WNT3A: variants seen among roughly 807,000 people sequenced by gnomAD.
WNT3A encodes the protein protein Wnt-3a.
In WNT3A, 17 loss-of-function variants were observed where a neutral mutation model predicts 37.0. That is an observed-to-expected ratio of 0.46 (90% confidence interval 0.31 to 0.69). The LOEUF (loss-of-function observed/expected upper bound fraction) is 0.69. Ranked by LOEUF, WNT3A falls within the 30% of genes least tolerant of loss-of-function variation. The pLI is 0.05. For synonymous variants in WNT3A, 187 were observed against 211.0 expected (o/e 0.89, Z 0.99); for missense variants, 411 against 510.2 (o/e 0.81, Z 1.87).
intron 1 of WNT3A, among the ~76,000 whole-genome samples, chr1:228,010,319 G>A (rs900790251): frequency 6.6e-6 from 1 of 152,108 alleles, no homozygotes; most frequent in African/African-American, 2.4e-5. Flanking sequence ...CCCTAGAGGT[G>A]GGCCTGTGCC....
chr1:228,010,881 G>A (rs1471115935), intron 1 of WNT3A, among the ~76,000 whole-genome samples: 1 of 152,192 alleles, frequency 6.6e-6, no homozygotes, highest in African/African-American at 2.4e-5. Flanking sequence ...AACAGAAGAT[G>A]TAGGCCCTTT....
Position 228,031,967 on chromosome 1 carries a change from G to A in WNT3A, c.313+9059G>A, listed in dbSNP as rs1417475800. Among the ~76,000 whole-genome samples, 1 of 152,168 alleles carries A rather than the reference G, an allele frequency of 6.6e-6. No homozygotes were observed. Among genetic ancestry groups the A allele is most frequent in the Non-Finnish European group, 1.5e-5 (1 of 68,022 alleles). ...AGAAAGCAGGAAGCCTGTCCTGCTT[G>A]GAGCCATACCAGGTGATGGAGGAAG... On this transcript the variant is annotated intron_variant, in intron 2 of 3. Transcript: ENST00000284523. The surrounding 1 kb of genome is among the most constrained non-coding windows in gnomAD (Gnocchi z 4.8).
At position 228,059,488 on chromosome 1, in the gene WNT3A, G is replaced by A. The variant is rs1381489780; in HGVS notation, c.*23G>A. ...TAGGCACCGGCCGCGGCTCCCCCTG[G>A]ACGGGGCGGGCCCTGCCTGAGGGTG... On this transcript the variant is annotated 3_prime_UTR_variant, in exon 4 of 4. Coordinates refer to ENST00000284523, the MANE Select transcript of WNT3A (RefSeq NM_033131.4). The A allele has an allele frequency of 6.7e-7, 1 of 1,487,528 alleles. No individual in the cohort carries two copies. Among genetic ancestry groups the A allele is most frequent in the Non-Finnish European group, 8.9e-7 (1 of 1,126,118 alleles). The allele number at this position is 1,487,528 out of a possible 1,614,324, so 92.1% of individuals were successfully genotyped here.
intron 3 of WNT3A, among the ~76,000 whole-genome samples, chr1:228,055,384 G>A (rs2031664476): frequency 6.7e-6 from 1 of 149,724 alleles, no homozygotes; most frequent in African/African-American, 2.4e-5. Context: ...GATATGTAGA[G>A]ATAAATATAA....
intron 3 of WNT3A, 151 bp from the exon 4 acceptor site, chr1:228,058,835 G>T (rs2031732888): frequency 4.0e-6 from 3 of 759,338 alleles, no homozygotes; most frequent in African/African-American, 3.5e-5. Flanking sequence ...ACCATAGGAA[G>T]GGGGTGGCCC....
chr1:228,045,878 C>T (rs555367032), intron 2 of WNT3A, among the ~76,000 whole-genome samples: 1 of 152,334 alleles, frequency 6.6e-6, no homozygotes, highest in African/African-American at 2.4e-5. Context: ...TTCATTCTGG[C>T]CCCAGGAAAT....
Position 228,038,377 on chromosome 1 carries a change from G to A in WNT3A, c.314-12279G>A, listed in dbSNP as rs1045841216. Among the ~76,000 whole-genome samples, 4 of 152,348 alleles carry A rather than the reference G, an allele frequency of 2.6e-5. No homozygotes were observed. The highest frequency in any genetic ancestry group is 6.5e-5 in the Admixed American group (1 of 15,306). On this transcript the variant is annotated intron_variant, in intron 2 of 3. Transcript: ENST00000284523. The surrounding 1 kb of genome is among the most constrained non-coding windows in gnomAD (Gnocchi z 5.7). ...TCCCCTGTGTTCAGGCCTCAGTGGGGGAAAAGGGCCCACGCGTTGGCTGCT... is the reference window on the plus strand; with the variant it reads ...TCCCCTGTGTTCAGGCCTCAGTGGGAGAAAAGGGCCCACGCGTTGGCTGCT...
rs1047536852 is a variant in WNT3A at position 228,048,406 on chromosome 1, T to C, written c.314-2250T>C. Among the ~76,000 whole-genome samples the C allele has an allele frequency of 9.9e-4, 151 of 152,294 alleles. 4 individuals carry two copies. The highest frequency in any genetic ancestry group is 9.8e-3 in the Admixed American group (150 of 15,294). The stretch of plus-strand genomic sequence containing the variant: ...CAGGGGCTCCAAAGCCCAGGTGTCT[T>C]CTTGCTAGGTCTGTAAGATCCCTGC... On this transcript the variant is annotated intron_variant, in intron 2 of 3. Coordinates refer to ENST00000284523, the MANE Select transcript of WNT3A (RefSeq NM_033131.4).
intron 2 of WNT3A, among the ~76,000 whole-genome samples, chr1:228,025,760 A>T (rs1401617830): frequency 1.3e-5 from 2 of 151,792 alleles, no homozygotes. Context: ...TTGTCAATGG[A>T]ATCATTTTTC....
rs2102779407 is a variant in WNT3A at position 228,050,580 on chromosome 1, G to A, written c.314-76G>A. The stretch of plus-strand genomic sequence containing the variant: ...AGTTCCTTTATAACAATGCAAATGG[G>A]CTAAGACCCCTGACCTGCCCAAGGC... On this transcript the variant is annotated intron_variant, in intron 2 of 3. Transcript: ENST00000284523. The surrounding 1 kb of genome is among the most constrained non-coding windows in gnomAD (Gnocchi z 5.0). 1 of 1,499,350 alleles carries A rather than the reference G, an allele frequency of 6.7e-7. No homozygotes were observed. The allele number at this position is 1,499,350 out of a possible 1,614,324, so 92.9% of individuals were successfully genotyped here. A position where few individuals can be genotyped will look rare whatever the true frequency, so the allele number is the denominator to read the frequency against.
chr1:228,023,033 C>A, intron 2 of WNT3A, 125 bp downstream of exon 2: 1 of 1,427,056 alleles, frequency 7.0e-7, no homozygotes, highest in Non-Finnish European at 9.3e-7. Flanking sequence ...CGCTGGGGTC[C>A]TTCCCGCTTA....
intron 2 of WNT3A, among the ~76,000 whole-genome samples, chr1:228,046,764 TG>T (rs978760448): frequency 1.4e-5 from 2 of 148,146 alleles, no homozygotes; most frequent in Non-Finnish European, 3.0e-5. Context: ...TTGTGTGTGG[TG>T]GGGTGTGCAT....
At chr1:228,016,381 A>G (rs1571793548) in intron 1 of WNT3A, among the ~76,000 whole-genome samples, 1 of 152,202 alleles carries the variant, frequency 6.6e-6, no homozygotes, top group East Asian at 1.9e-4. Context: ...CCCTGTTCTA[A>G]ACCACAACTG....
chr1:228,048,620 A>G (rs1212409431), intron 2 of WNT3A, among the ~76,000 whole-genome samples: 1 of 152,114 alleles, frequency 6.6e-6, no homozygotes, highest in Non-Finnish European at 1.5e-5. Context: ...GCTGGAGTGC[A>G]GTGGTGTAAT....
rs187266332 is a variant in WNT3A, at chr1:228,057,342, C to A, written c.580-1644C>A. 1.2e-4 allele frequency among the ~76,000 whole-genome samples: 19 copies of A among 152,100 alleles called. No individual in the cohort carries two copies. In the East Asian group the frequency reaches 3.5e-3, roughly 28 times the overall value. ...CATGGCTAGAGGCCAATAAATAATGCCTAATGCTGAAAAATCAAGAGGTGT... is the reference window on the plus strand; with the variant it reads ...CATGGCTAGAGGCCAATAAATAATGACTAATGCTGAAAAATCAAGAGGTGT... On this transcript the variant is annotated intron_variant, in intron 3 of 3. Transcript: ENST00000284523.
Position 228,007,095 on chromosome 1 carries a change from G to T in WNT3A, c.-34G>T, listed in dbSNP as rs142002943. ...CCCCCGGCGCTCACGCTCTCGGGGC[G>T]GACTCCCGGCCCTCCGCGCCCTCTC... On this transcript the variant is annotated 5_prime_UTR_variant, in exon 1 of 4. Transcript: ENST00000284523. This position sits in a 1 kb window ranked among gnomAD's most constrained non-coding sequence, Gnocchi z 6.0. The T allele has an allele frequency of 6.6e-7, 1 of 1,513,050 alleles. No individual in the cohort carries two copies. Among genetic ancestry groups the T allele is most frequent in the Admixed American group, 2.0e-5 (1 of 49,134 alleles). 93.7% of individuals were successfully genotyped at this position (1,513,050 alleles called of 1,614,324 possible). A position where few individuals can be genotyped will look rare whatever the true frequency, so the allele number is the denominator to read the frequency against.
At position 228,007,760 on chromosome 1, in the gene WNT3A, C is replaced by A. The variant is rs1447618852; in HGVS notation, c.71+561C>A. On this transcript the variant is annotated intron_variant, in intron 1 of 3. Transcript: ENST00000284523. This position sits in a 1 kb window ranked among gnomAD's most constrained non-coding sequence, Gnocchi z 6.0. ...CGGCGGGGCGCACTGGGGGCCGGCC[C>A]TGGGCCCCGCGCGCCTCCCCGCCGC... is the stretch of plus-strand genomic sequence containing the variant. 6.6e-6 allele frequency among the ~76,000 whole-genome samples: 1 copy of A among 152,012 alleles called. No homozygotes were observed. The highest frequency in any genetic ancestry group is 1.5e-5 in the Non-Finnish European group (1 of 67,968).
chr1:228,050,484 A>G lies in WNT3A; in HGVS notation c.314-172A>G, dbSNP rs2031519008. ...CTTGCCAGAGGCAGTTGCTGGAGCC[A>G]TGCTTCTGTGTAGCCTGTAGATCCG... On this transcript the variant is annotated intron_variant, in intron 2 of 3. Coordinates refer to ENST00000284523, the MANE Select transcript of WNT3A (RefSeq NM_033131.4). This position sits in a 1 kb window ranked among gnomAD's most constrained non-coding sequence, Gnocchi z 5.0. Among the ~76,000 whole-genome samples, 1 of 152,222 alleles carries G rather than the reference A, an allele frequency of 6.6e-6. No individual in the cohort carries two copies. Among genetic ancestry groups the G allele is most frequent in the African/African-American group, 2.4e-5 (1 of 41,444 alleles).
At chr1:228,047,691 G>A (rs1453644183) in intron 2 of WNT3A, among the ~76,000 whole-genome samples, 1 of 152,196 alleles carries the variant, frequency 6.6e-6, no homozygotes, top group Non-Finnish European at 1.5e-5. Context: ...AGGCTGCACA[G>A]GAAGTGTGGC....
Sources: allele counts gnomAD v4.1 joint callset (sites outside exome capture counted in the v4.1 genomes callset), GRCh38; gene constraint gnomAD v4.1.1; non-coding constraint Gnocchi (gnomAD v3.1); transcripts MANE v1.5; gene names NCBI Gene and HGNC (gene_info 2026-07-23, HGNC 2026-07-21).